Variants in SLIT3 observed in about 807,000 individuals in gnomAD.
SLIT3 encodes slit guidance ligand 3, also known as slit homolog 3 protein.
Under a neutral mutation model 184.0 loss-of-function variants are expected in SLIT3, and 68 were observed. That is an observed-to-expected ratio of 0.37 (90% CI 0.30 to 0.45). The LOEUF (loss-of-function observed/expected upper bound fraction) is 0.45, where lower values mean the gene tolerates loss of function less well. Among genes scored for constraint, SLIT3 ranks in the 20% least tolerant of loss-of-function variants. The pLI, the probability that SLIT3 is intolerant of heterozygous loss-of-function variation, is 1.00. For missense variants in SLIT3, 1,707 were observed against 2,026.0 expected (o/e 0.84, Z 3.02); for synonymous variants, 831 against 828.6 (o/e 1.00, Z -0.05).
At chr5:168,765,881 A>G (rs929552424) in intron 14 of SLIT3, among the ~76,000 whole-genome samples, 6 of 152,114 alleles carry the variant, frequency 3.9e-5, no homozygotes, top group Non-Finnish European at 8.8e-5. Flanking sequence ...GGCAGCTCAG[A>G]ACAACGACAC....
chr5:168,836,167 T>A (rs1183941892), intron 6 of SLIT3, among the ~76,000 whole-genome samples: 1 of 152,152 alleles, frequency 6.6e-6, no homozygotes, highest in African/African-American at 2.4e-5. Flanking sequence ...AAAAGCAGAC[T>A]CTCAGCCACA....
At chr5:168,759,436 A>G (rs982268645) in intron 16 of SLIT3, among the ~76,000 whole-genome samples, 1 of 152,204 alleles carries the variant, frequency 6.6e-6, no homozygotes, top group Non-Finnish European at 1.5e-5. Context: ...TCACGCACAT[A>G]TGTCCTCTGT....
At chr5:168,803,959 C>A (rs1375139961) in intron 9 of SLIT3, among the ~76,000 whole-genome samples, 1 of 150,962 alleles carries the variant, frequency 6.6e-6, no homozygotes, top group East Asian at 1.9e-4. Context: ...AGTGGGAAGA[C>A]CATGGGTAGG....
intron 4 of SLIT3, among the ~76,000 whole-genome samples, chr5:169,025,907 A>T (rs1400994977): frequency 6.6e-6 from 1 of 152,120 alleles, no homozygotes; most frequent in Non-Finnish European, 1.5e-5. Context: ...CCGCCTTTAT[A>T]CCTGGCTTGG....
chr5:168,802,579 C>T (rs1230148467), intron 9 of SLIT3, among the ~76,000 whole-genome samples: 1 of 152,160 alleles, frequency 6.6e-6, no homozygotes, highest in East Asian at 1.9e-4. Context: ...AGATGAGCTA[C>T]TCCCAGGTTC....
intron 4 of SLIT3, among the ~76,000 whole-genome samples, chr5:169,111,355 A>G (rs1760401242): frequency 6.6e-6 from 1 of 152,244 alleles, no homozygotes; most frequent in South Asian, 2.1e-4. Context: ...GCTGTGTCAG[A>G]TGATAAGTAT....
intron 26 of SLIT3, among the ~76,000 whole-genome samples, chr5:168,701,030 A>G (rs774498929): frequency 2.5e-4 from 38 of 152,226 alleles, no homozygotes; most frequent in Non-Finnish European, 3.8e-4. Context: ...TTCCAGCTCC[A>G]TCCCATCTGG....
chr5:168,927,260 G>A (rs1264571000), intron 4 of SLIT3, among the ~76,000 whole-genome samples: 2 of 152,170 alleles, frequency 1.3e-5, no homozygotes, highest in Non-Finnish European at 2.9e-5. Flanking sequence ...AGTGAAATCA[G>A]CCAGTCATAA....
intron 5 of SLIT3, among the ~76,000 whole-genome samples, chr5:168,880,668 C>A (rs12186698): frequency 1.3e-4 from 20 of 152,084 alleles, no homozygotes; most frequent in African/African-American, 4.8e-4. Context: ...AACTATTATC[C>A]TCATTTTATA....
intron 4 of SLIT3, among the ~76,000 whole-genome samples, chr5:168,993,593 G>C (rs1272653249): frequency 6.6e-6 from 1 of 151,938 alleles, no homozygotes; most frequent in African/African-American, 2.4e-5. Context: ...TCCATCCTAA[G>C]TAACTACAGG....
At chr5:169,107,579 G>T (rs770773756) in intron 4 of SLIT3, among the ~76,000 whole-genome samples, 1 of 152,226 alleles carries the variant, frequency 6.6e-6, no homozygotes, top group Admixed American at 6.5e-5. Flanking sequence ...GAGGCATGGC[G>T]GGGCTTTTTA....
chr5:169,285,499 A>G (rs912565846), intron 1 of SLIT3, among the ~76,000 whole-genome samples: 1 of 152,178 alleles, frequency 6.6e-6, no homozygotes, highest in Admixed American at 6.5e-5. Context: ...GACTTCTTAC[A>G]TGGAGAGATG....
At chr5:169,088,633 G>A (rs983253033) in intron 4 of SLIT3, among the ~76,000 whole-genome samples, 6 of 152,076 alleles carry the variant, frequency 3.9e-5, no homozygotes, top group South Asian at 4.1e-4. Flanking sequence ...GGGTCTTTCC[G>A]AGAATCAGAT....
intron 3 of SLIT3, among the ~76,000 whole-genome samples, chr5:169,221,312 C>T (rs956795783): frequency 2.0e-5 from 3 of 152,212 alleles, no homozygotes; most frequent in Admixed American, 6.5e-5. Context: ...CGTGCTTTCT[C>T]TCTGGCTCCG....
chr5:169,186,157 C>T (rs1036615689), intron 4 of SLIT3, among the ~76,000 whole-genome samples: 1 of 152,264 alleles, frequency 6.6e-6, no homozygotes, highest in Non-Finnish European at 1.5e-5. Flanking sequence ...AATCCCAATA[C>T]CTCAGAATAT....
chr5:169,126,075 G>A (rs973415065), intron 4 of SLIT3, among the ~76,000 whole-genome samples: 1 of 152,168 alleles, frequency 6.6e-6, no homozygotes, highest in Non-Finnish European at 1.5e-5. Flanking sequence ...TGGAATTATT[G>A]CAAGAGATGC....
chr5:168,757,311 T>C (rs1754982472), intron 16 of SLIT3, among the ~76,000 whole-genome samples: 1 of 152,226 alleles, frequency 6.6e-6, no homozygotes, highest in Non-Finnish European at 1.5e-5. Flanking sequence ...GTAAAGTGTT[T>C]AATTTGTGCT....
intron 4 of SLIT3, among the ~76,000 whole-genome samples, chr5:169,182,788 T>A (rs1245089364): frequency 6.6e-6 from 1 of 152,250 alleles, no homozygotes; most frequent in Admixed American, 6.5e-5. Context: ...TTTAATTCCA[T>A]GGATAGTTTC....
At chr5:168,939,000 T>C (rs1762250582) in intron 4 of SLIT3, among the ~76,000 whole-genome samples, 1 of 152,164 alleles carries the variant, frequency 6.6e-6, no homozygotes, top group Admixed American at 6.5e-5. Flanking sequence ...GAAGGCATGA[T>C]AGAGCTACAG....
Sources: gnomAD v4.1 joint callset for allele counts (sites outside exome capture counted in the v4.1 genomes callset) on GRCh38, gnomAD v4.1.1 for gene constraint, MANE v1.5 for transcripts, NCBI Gene and HGNC (gene_info 2026-07-23, HGNC 2026-07-21) for gene names.